Variants in COL19A1 observed in about 807,000 individuals in gnomAD.
The protein encoded by COL19A1 is collagen type XIX alpha 1 chain.
COL19A1 carries 159 observed loss-of-function variants against 190.2 expected under a neutral mutation model. The ratio of observed to expected loss-of-function variants is 0.84; its 90% CI spans 0.73 to 0.95. COL19A1 has a LOEUF of 0.95. COL19A1 is among the 40% of genes least tolerant of loss of function. The pLI is 0.00. For missense variants in COL19A1, 1,418 were observed against 1,431.9 expected, an observed-to-expected ratio of 0.99 and a Z score of 0.16; for synonymous variants, 509 against 458.9, an observed-to-expected ratio of 1.11 and a Z score of -1.39.
chr6:70,023,131 C>CTTTTTTTTTTTTTTTTTTTTTT (rs1419955153), intron 11 of COL19A1, among the ~76,000 whole-genome samples: 2 of 142,230 alleles, frequency 1.4e-5, no homozygotes, highest in Non-Finnish European at 3.0e-5. Flanking sequence ...TTTTATGCAG[C>CTTTTTTTTTTTTTTTTTTTTTT]TATTTTTTTT....
At chr6:70,018,330 A>T (rs554707045) in intron 11 of COL19A1, among the ~76,000 whole-genome samples, 14 of 152,262 alleles carry the variant, frequency 9.2e-5, no homozygotes, top group African/African-American at 3.4e-4. Flanking sequence ...CAGAAGTCAT[A>T]ATACCAAGGA....
chr6:70,033,907 A>C (rs1197854971), intron 12 of COL19A1, among the ~76,000 whole-genome samples: 1 of 152,160 alleles, frequency 6.6e-6, no homozygotes, highest in Non-Finnish European at 1.5e-5. Context: ...AATCAGAGGT[A>C]TTTACAACAT....
Position 70,038,444 on chromosome 6 carries a change from G to A in COL19A1, c.1170+2505G>A, listed in dbSNP as rs570238129. On this transcript the variant is annotated intron_variant, in intron 14 of 50. Coordinates refer to ENST00000620364, the MANE Select transcript of COL19A1 (RefSeq NM_001858.6). ...CTTCCTACTCAAAAAAATTATATCAGATTGTTGAAGAAGTCCAACTTCCAT... is the reference window on the plus strand; with the variant it reads ...CTTCCTACTCAAAAAAATTATATCAAATTGTTGAAGAAGTCCAACTTCCAT... 2.0e-5 allele frequency among the ~76,000 whole-genome samples: 3 copies of A among 152,316 alleles called. No homozygotes were observed. In the East Asian group the frequency reaches 5.8e-4, roughly 29 times the overall value.
chr6:69,921,150 G>A (rs976704394), intron 4 of COL19A1, among the ~76,000 whole-genome samples: 44 of 122,900 alleles, frequency 3.6e-4, no homozygotes, highest in Admixed American at 6.2e-4. Flanking sequence ...TATCACATAT[G>A]TATCACGTAT....
chr6:69,917,823 G>A (rs951862960), intron 4 of COL19A1, among the ~76,000 whole-genome samples: 1 of 151,136 alleles, frequency 6.6e-6, no homozygotes, highest in Non-Finnish European at 1.5e-5. Flanking sequence ...TAGCTGATGA[G>A]CTAAAAAAAA....
At chr6:69,918,769 A>G (rs928823302) in intron 4 of COL19A1, among the ~76,000 whole-genome samples, 1 of 152,084 alleles carries the variant, frequency 6.6e-6, no homozygotes, top group African/African-American at 2.4e-5. Flanking sequence ...GTTAGATAGG[A>G]TGGGGGATAA....
Position 70,184,687 on chromosome 6 carries a change from C to T in COL19A1, c.2776-16C>T. On this transcript the variant is annotated splice_polypyrimidine_tract_variant and intron_variant, in intron 44 of 50. Transcript: ENST00000620364. Reference sequence around the variant, plus strand: ...TAATGCAGAGTTAGAAATATTAATCCTTTTTTTCTTTATAGGGAATAAATG... The same window carrying T: ...TAATGCAGAGTTAGAAATATTAATCTTTTTTTTCTTTATAGGGAATAAATG... 4 of 1,577,058 alleles carry T rather than the reference C, an allele frequency of 2.5e-6. No individual in the cohort carries two copies. Among genetic ancestry groups the T allele is most frequent in the Non-Finnish European group, 3.5e-6 (4 of 1,153,516 alleles).
At chr6:69,937,707 T>C (rs1562015478) in intron 8 of COL19A1, among the ~76,000 whole-genome samples, 1 of 152,140 alleles carries the variant, frequency 6.6e-6, no homozygotes. Flanking sequence ...AGGGAAACTT[T>C]CATTTTTTCT....
intron 20 of COL19A1, among the ~76,000 whole-genome samples, chr6:70,141,642 G>A (rs1046259126): frequency 5.9e-5 from 9 of 151,950 alleles, no homozygotes; most frequent in African/African-American, 2.2e-4. Flanking sequence ...TTGCTAATGG[G>A]ACATGATAAT....
intron 11 of COL19A1, among the ~76,000 whole-genome samples, chr6:69,965,296 G>C (rs1775027892): frequency 6.6e-6 from 1 of 152,124 alleles, no homozygotes; most frequent in African/African-American, 2.4e-5. Flanking sequence ...ATATCTTCCA[G>C]AAACACATAG....
intron 44 of COL19A1, among the ~76,000 whole-genome samples, chr6:70,182,017 T>C (rs549379141): frequency 6.6e-6 from 1 of 152,332 alleles, no homozygotes; most frequent in South Asian, 2.1e-4. Context: ...TGAAATATGA[T>C]GGAAATCCAC....
At chr6:69,927,371 C>T (rs1053048217) in intron 4 of COL19A1, among the ~76,000 whole-genome samples, 5 of 151,636 alleles carry the variant, frequency 3.3e-5, no homozygotes, top group African/African-American at 4.8e-5. Flanking sequence ...TAGCACAAAG[C>T]AAGAAAAAGC....
At chr6:69,922,673 G>A (rs1772068284) in intron 4 of COL19A1, among the ~76,000 whole-genome samples, 1 of 151,910 alleles carries the variant, frequency 6.6e-6, no homozygotes, top group South Asian at 2.1e-4. Flanking sequence ...TAGAAATGGG[G>A]TTTCACTATG....
chr6:69,881,825 G>T (rs1371535960), intron 2 of COL19A1, among the ~76,000 whole-genome samples: 1 of 152,214 alleles, frequency 6.6e-6, no homozygotes, highest in Admixed American at 6.5e-5. Context: ...TTAACTTCAA[G>T]TATCATTTGC....
intron 44 of COL19A1, among the ~76,000 whole-genome samples, chr6:70,183,613 C>A (rs1166367265): frequency 2.0e-5 from 3 of 152,178 alleles, no homozygotes; most frequent in African/African-American, 7.2e-5. Context: ...GTAATAAATT[C>A]TTTGAACCAT....
At chr6:70,168,248 T>C in intron 39 of COL19A1, 33 bp downstream of exon 39, 1 of 1,604,652 alleles carries the variant, frequency 6.2e-7, no homozygotes, top group African/African-American at 1.3e-5. Context: ...AAACACACTT[T>C]AGCTGAACAA....
At chr6:70,030,918 G>A (rs1779027120) in intron 12 of COL19A1, among the ~76,000 whole-genome samples, 1 of 152,162 alleles carries the variant, frequency 6.6e-6, no homozygotes, top group South Asian at 2.1e-4. Flanking sequence ...AGCTGTCATA[G>A]CCCCTTTTAT....
intron 48 of COL19A1, among the ~76,000 whole-genome samples, chr6:70,194,747 A>G (rs1767085075): frequency 6.6e-6 from 1 of 152,144 alleles, no homozygotes; most frequent in Non-Finnish European, 1.5e-5. Flanking sequence ...ATCAACATGC[A>G]GGAAGAATTT....
At chr6:69,920,233 A>T (rs958254297) in intron 4 of COL19A1, among the ~76,000 whole-genome samples, 2 of 152,196 alleles carry the variant, frequency 1.3e-5, no homozygotes, top group Non-Finnish European at 2.9e-5. Flanking sequence ...CCTCACTGGC[A>T]GTGGTTCTGA....
Sources: allele counts gnomAD v4.1 joint callset (sites outside exome capture counted in the v4.1 genomes callset), GRCh38; gene constraint gnomAD v4.1.1; transcripts MANE v1.5; gene names NCBI Gene and HGNC (gene_info 2026-07-23, HGNC 2026-07-21).